The following SLC49A4 variants were observed in gnomAD, a reference collection of about 807,000 sequenced individuals.
SLC49A4 encodes disrupted in renal cancer protein 2.
In SLC49A4, 36 loss-of-function variants were observed where a neutral mutation model predicts 50.6. That is an observed-to-expected ratio of 0.71 (90% confidence interval 0.55 to 0.94). SLC49A4 has a LOEUF of 0.94. Ranked by LOEUF, SLC49A4 falls within the 40% of genes least tolerant of loss-of-function variation. SLC49A4 has a pLI of 0.00. For missense variants in SLC49A4, 503 were observed against 605.7 expected (o/e 0.83, Z 1.78); for synonymous variants, 248 against 241.2 (o/e 1.03, Z -0.26).
intron 6 of SLC49A4, among the ~76,000 whole-genome samples, chr3:122,857,523 A>G (rs1380125636): frequency 6.6e-6 from 1 of 152,194 alleles, no homozygotes; most frequent in Non-Finnish European, 1.5e-5. Flanking sequence ...ATACTTGAAT[A>G]TAATTGATAC....
chr3:122,845,607 G>GTT lies in SLC49A4; in HGVS notation c.834-136_834-135dup, dbSNP rs35604258. On this transcript the variant is annotated intron_variant, in intron 4 of 8. Coordinates refer to ENST00000261038, the MANE Select transcript of SLC49A4 (RefSeq NM_032839.3). ...CTTTTCTCTGCTACCTTTCCAGCACGTTTTTTTTTTTTTTTTTTTTTGAGT... is the reference window on the plus strand; with the variant it reads ...CTTTTCTCTGCTACCTTTCCAGCACGTTTTTTTTTTTTTTTTTTTTTTTGAGT... Among the ~76,000 whole-genome samples, 649 of 97,326 alleles carry GTT rather than the reference G, an allele frequency of 6.7e-3. 13 individuals are homozygous for GTT. The highest frequency in any genetic ancestry group is 0.011 in the East Asian group (34 of 3,074). 63.8% of individuals were successfully genotyped at this position (97,326 alleles called of 152,430 possible).
chr3:122,800,664 A>G (rs1936117031), intron 1 of SLC49A4, among the ~76,000 whole-genome samples: 1 of 152,208 alleles, frequency 6.6e-6, no homozygotes, highest in Admixed American at 6.5e-5. Flanking sequence ...GCACAGGTAG[A>G]CAAGTTGGCC....
At chr3:122,799,145 C>T (rs1160914078) in intron 1 of SLC49A4, among the ~76,000 whole-genome samples, 1 of 152,118 alleles carries the variant, frequency 6.6e-6, no homozygotes, top group Admixed American at 6.5e-5. Context: ...GGACATGGCC[C>T]TCACAGACCC....
At chr3:122,833,202 C>T in intron 3 of SLC49A4, 115 bp from the exon 4 acceptor site, 1 of 1,033,654 alleles carries the variant, frequency 9.7e-7, no homozygotes, top group Non-Finnish European at 1.4e-6. Context: ...GTTCATGCCA[C>T]TGCATTCCAG....
rs150852183 is a variant in SLC49A4 at position 122,806,910 on chromosome 3, C to G, written c.397C>G (p.Leu133Val). 4.2e-5 allele frequency: 67 copies of G among 1,609,606 alleles called. No homozygotes were observed. The highest frequency in any genetic ancestry group is 5.4e-5 in the Non-Finnish European group (64 of 1,176,486). ...TSFLMVLGTG[L>V]RCIPISDLIL... is the part of the protein sequence containing the mutation. ...CTTCCTTATGGTTTTGGGAACTGGT[C>G]TAAGATGCATACCTATATCAGACTT... The change falls in exon 2 of 9, where the codon CTA becomes GTA. Residue 133 changes from leucine (L) to valine (V), a missense_variant. By Grantham distance (32) the Leu-to-Val change is conservative (BLOSUM62 1). Coordinates refer to ENST00000261038, the MANE Select transcript of SLC49A4 (RefSeq NM_032839.3).
At chr3:122,821,628 A>G (rs1340498198) in intron 2 of SLC49A4, among the ~76,000 whole-genome samples, 1 of 152,182 alleles carries the variant, frequency 6.6e-6, no homozygotes, top group Non-Finnish European at 1.5e-5. Flanking sequence ...TAACTAGTCC[A>G]TTACTGGACA....
At chr3:122,805,649 G>T (rs1936207978) in intron 1 of SLC49A4, among the ~76,000 whole-genome samples, 1 of 152,194 alleles carries the variant, frequency 6.6e-6, no homozygotes, top group Non-Finnish European at 1.5e-5. Context: ...AACCACCTGT[G>T]TGATGTGGCT....
intron 2 of SLC49A4, among the ~76,000 whole-genome samples, chr3:122,824,506 C>T (rs1388770574): frequency 1.3e-5 from 2 of 152,000 alleles, no homozygotes; most frequent in Non-Finnish European, 2.9e-5. Flanking sequence ...TAAGCCATGG[C>T]AATAATTTGA....
intron 1 of SLC49A4, among the ~76,000 whole-genome samples, chr3:122,798,937 C>T (rs981784380): frequency 6.6e-6 from 1 of 152,024 alleles, no homozygotes; most frequent in Non-Finnish European, 1.5e-5. Flanking sequence ...TGTGCTGCCT[C>T]ACGCCCCAGC....
At chr3:122,878,417 C>T (rs1937292634) in intron 8 of SLC49A4, among the ~76,000 whole-genome samples, 1 of 152,150 alleles carries the variant, frequency 6.6e-6, no homozygotes, top group Non-Finnish European at 1.5e-5. Flanking sequence ...GAAGGCTGAA[C>T]AGATGCACAG....
chr3:122,795,819 A>C (rs1023150263), intron 1 of SLC49A4, among the ~76,000 whole-genome samples: 2 of 152,260 alleles, frequency 1.3e-5, no homozygotes, highest in Non-Finnish European at 2.9e-5. Flanking sequence ...CATTGTGAAC[A>C]TCAGAGCATC....
chr3:122,806,217 A>G (rs917274478), intron 1 of SLC49A4, among the ~76,000 whole-genome samples: 3 of 152,332 alleles, frequency 2.0e-5, no homozygotes, highest in Middle Eastern at 3.4e-3. Context: ...ATATAAAACT[A>G]AAATATCTAG....
At chr3:122,795,627 C>G in intron 1 of SLC49A4, 92 bp downstream of exon 1, 2 of 1,490,278 alleles carry the variant, frequency 1.3e-6, no homozygotes. Flanking sequence ...CTCCCTTGGC[C>G]CCGGCATAGG....
At chr3:122,801,181 CAT>C (rs1230680834) in intron 1 of SLC49A4, among the ~76,000 whole-genome samples, 1 of 152,188 alleles carries the variant, frequency 6.6e-6, no homozygotes, top group Non-Finnish European at 1.5e-5. Flanking sequence ...AAAGGAAACA[CAT>C]GAGGTGGTTG....
intron 2 of SLC49A4, among the ~76,000 whole-genome samples, chr3:122,823,218 G>C (rs998597377): frequency 1.3e-5 from 2 of 152,246 alleles, no homozygotes; most frequent in African/African-American, 4.8e-5. Flanking sequence ...CCAAGAGTAG[G>C]CTGCATCCCT....
chr3:122,820,131 T>A (rs1936430763), intron 2 of SLC49A4, among the ~76,000 whole-genome samples: 2 of 152,350 alleles, frequency 1.3e-5, no homozygotes, highest in African/African-American at 4.8e-5. Context: ...TATTCTGTAC[T>A]GTGTGCCTTT....
At chr3:122,844,962 A>C (rs921340956) in intron 4 of SLC49A4, among the ~76,000 whole-genome samples, 2 of 152,020 alleles carry the variant, frequency 1.3e-5, no homozygotes, top group Non-Finnish European at 2.9e-5. Flanking sequence ...GTATATATAC[A>C]TATATATTTT....
chr3:122,820,053 A>G (rs17213357), intron 2 of SLC49A4, among the ~76,000 whole-genome samples: 15,922 of 152,252 alleles, frequency 0.1, 1,072 homozygotes, highest in South Asian at 0.18. Context: ...GCCAACTCGA[A>G]TGTTAGCATC....
chr3:122,804,010 A>G (rs1936173468), intron 1 of SLC49A4, among the ~76,000 whole-genome samples: 1 of 152,234 alleles, frequency 6.6e-6, no homozygotes, highest in Non-Finnish European at 1.5e-5. Context: ...TCTGTTAGGC[A>G]GTTCCTACAT....
Sources: gnomAD v4.1 joint callset for allele counts (sites outside exome capture counted in the v4.1 genomes callset) on GRCh38, gnomAD v4.1.1 for gene constraint, MANE v1.5 for transcripts, NCBI Gene and HGNC (gene_info 2026-07-23, HGNC 2026-07-21) for gene names.